The following SEMA3D variants were observed in gnomAD, a reference collection of about 807,000 sequenced individuals.
The protein encoded by SEMA3D is semaphorin 3D.
A neutral mutation model predicts 100.1 loss-of-function variants in SEMA3D; 84 were observed. The observed-to-expected ratio is 0.84, with a 90% CI of 0.70 to 1.01. SEMA3D has a LOEUF of 1.01. Among genes scored for constraint, SEMA3D ranks in the 50% least tolerant of loss-of-function variants. The pLI is 0.00. For missense variants in SEMA3D, 875 were observed against 934.1 expected (o/e 0.94, Z 0.82); for synonymous variants, 312 against 320.7 (o/e 0.97, Z 0.29).
the SEMA3D span, among the ~76,000 whole-genome samples, chr7:85,226,226 C>A: frequency 4.6e-5 from 7 of 152,160 alleles, no homozygotes; most frequent in East Asian, 5.8e-4. Context: ...AAAAAAAACT[C>A]TTTTTTTCTT....
chr7:85,065,335 A>G lies in SEMA3D; in HGVS notation c.718+89T>C, dbSNP rs543375967. 7.9e-5 allele frequency: 97 copies of G among 1,221,040 alleles called. No homozygotes were observed. In the African/African-American group the frequency reaches 1.3e-3, roughly 16 times the overall value. 75.6% of individuals were successfully genotyped at this position (1,221,040 alleles called of 1,614,324 possible). On this transcript the variant is annotated intron_variant, in intron 8 of 18. Coordinates refer to ENST00000284136, the MANE Select transcript of SEMA3D (RefSeq NM_001384900.1). ...AATGTTGAGCTAAATTAATTATTCC[A>G]AAACACATTTGAATGAATAATAATA...
At chr7:85,082,182 T>C (rs116145178) in intron 4 of SEMA3D, among the ~76,000 whole-genome samples, 1,561 of 152,280 alleles carry the variant, frequency 0.01, 22 homozygotes, top group African/African-American at 0.035. Flanking sequence ...CTTAGTCACA[T>C]AGCCTTTAAA....
chr7:85,160,049 T>A, intron 1 of SEMA3D: 1 of 941,996 alleles, frequency 1.1e-6, no homozygotes, highest in Non-Finnish European at 1.3e-6. Flanking sequence ...TGTTATTTTA[T>A]TGAACTGCAA....
intron 9 of SEMA3D, chr7:85,050,246 T>C (rs1305681009): frequency 2.0e-5 from 3 of 152,034 alleles, no homozygotes; most frequent in Admixed American, 6.6e-5. Flanking sequence ...TTCATTCAAT[T>C]AGCATTTAAT....
intron 18 of SEMA3D, among the ~76,000 whole-genome samples, chr7:85,002,695 C>T (rs564748718): frequency 1.2e-4 from 19 of 152,280 alleles, no homozygotes; most frequent in African/African-American, 4.6e-4. Flanking sequence ...AACTGCTCAA[C>T]TTTACAAATT....
chr7:85,237,762 T>C, the SEMA3D span, among the ~76,000 whole-genome samples: 4 of 152,314 alleles, frequency 2.6e-5, no homozygotes, highest in African/African-American at 9.6e-5. Context: ...GTAATAGCTT[T>C]TGTGTGAGCG....
chr7:85,129,009 G>T (rs1269087772), intron 2 of SEMA3D, among the ~76,000 whole-genome samples: 6 of 150,762 alleles, frequency 4.0e-5, no homozygotes, highest in African/African-American at 1.5e-4. Flanking sequence ...CACCTGCCTT[G>T]GCTTCCTGAG....
the SEMA3D span, among the ~76,000 whole-genome samples, chr7:85,233,010 C>T: frequency 6.6e-6 from 1 of 152,130 alleles, no homozygotes. Context: ...CTCTTTAAAT[C>T]CTCTTCATTC....
chr7:85,076,017 GT>G (rs1474827822), intron 5 of SEMA3D, among the ~76,000 whole-genome samples: 3 of 152,168 alleles, frequency 2.0e-5, no homozygotes, highest in Non-Finnish European at 2.9e-5. Context: ...GCTATCAGTG[GT>G]AGTGTAATTC....
the SEMA3D span, among the ~76,000 whole-genome samples, chr7:85,249,690 A>T: frequency 6.6e-6 from 1 of 152,230 alleles, no homozygotes; most frequent in Admixed American, 6.5e-5. Flanking sequence ...TGTGGTGTTA[A>T]TCAGAACCTG....
At chr7:85,189,360 A>C (rs1791644011), upstream of SEMA3D, among the ~76,000 whole-genome samples, 1 of 152,230 alleles carries the variant, frequency 6.6e-6, no homozygotes. Flanking sequence ...CCACCAAGAT[A>C]GTTTTAACAA....
rs189023721 is a variant in SEMA3D, at chr7:85,067,213, C to T, written c.589+978G>A. On this transcript the variant is annotated intron_variant, in intron 7 of 18. Transcript: ENST00000284136. The stretch of plus-strand genomic sequence containing the variant: ...AATTAGATCTGAATATCCAGGCTTT[C>T]GAACTTCTTCCTTGTCCCTAAAATT... 1.3e-3 allele frequency among the ~76,000 whole-genome samples: 194 copies of T among 152,224 alleles called. 1 individual carries two copies. The highest frequency in any genetic ancestry group is 4.2e-3 in the African/African-American group (176 of 41,532).
At chr7:85,112,476 G>A (rs1206312554) in intron 3 of SEMA3D, among the ~76,000 whole-genome samples, 1 of 152,102 alleles carries the variant, frequency 6.6e-6, no homozygotes, top group Admixed American at 6.6e-5. Context: ...AGAACTAATG[G>A]TAAAACCTTG....
At chr7:85,235,112 T>G in the SEMA3D span, among the ~76,000 whole-genome samples, 1 of 152,188 alleles carries the variant, frequency 6.6e-6, no homozygotes. Flanking sequence ...CTGGGCATAG[T>G]AAGGAAGAGA....
intron 2 of SEMA3D, 23 bp from the exon 3 acceptor site, chr7:85,121,954 A>T: frequency 7.7e-7 from 1 of 1,295,822 alleles, no homozygotes; most frequent in Non-Finnish European, 1.1e-6. Flanking sequence ...AAAAAAAAAA[A>T]AACTATTAAG....
intron 11 of SEMA3D, among the ~76,000 whole-genome samples, chr7:85,037,754 T>G (rs1313932331): frequency 6.6e-6 from 1 of 152,092 alleles, no homozygotes; most frequent in Non-Finnish European, 1.5e-5. Context: ...TCCAAAGGAA[T>G]TTTTTCAAAT....
At chr7:85,001,236 C>T (rs1402667191) in intron 18 of SEMA3D, among the ~76,000 whole-genome samples, 1 of 152,166 alleles carries the variant, frequency 6.6e-6, no homozygotes, top group Non-Finnish European at 1.5e-5. Context: ...GCTGAATGGT[C>T]TCCAGGCCTG....
intron 2 of SEMA3D, among the ~76,000 whole-genome samples, chr7:85,150,626 T>C (rs942658568): frequency 6.6e-6 from 1 of 151,472 alleles, no homozygotes; most frequent in African/African-American, 2.4e-5. Flanking sequence ...TACTAATCAA[T>C]TTACTGCTTA....
At chr7:85,045,490 T>A (rs993030300) in intron 9 of SEMA3D, among the ~76,000 whole-genome samples, 1 of 151,976 alleles carries the variant, frequency 6.6e-6, no homozygotes, top group Non-Finnish European at 1.5e-5. Context: ...ATTTATATTT[T>A]ATATACGATG....
Sources: gnomAD v4.1 joint callset for allele counts (sites outside exome capture counted in the v4.1 genomes callset) on GRCh38, gnomAD v4.1.1 for gene constraint, MANE v1.5 for transcripts, NCBI Gene and HGNC (gene_info 2026-07-23, HGNC 2026-07-21) for gene names.